NUP98: variants seen among roughly 807,000 people sequenced by gnomAD.
NUP98 encodes nuclear pore complex protein Nup98-Nup96.
A neutral mutation model predicts 191.9 loss-of-function variants in NUP98; 26 were observed. The ratio of observed to expected loss-of-function variants is 0.14; its 90% CI spans 0.10 to 0.19. The LOEUF (loss-of-function observed/expected upper bound fraction) is 0.19. Among genes scored for constraint, NUP98 ranks in the 10% least tolerant of loss-of-function variants. NUP98 has a pLI of 1.00. For missense variants in NUP98, 1,941 were observed against 2,178.8 expected (o/e 0.89, Z 2.17); for synonymous variants, 808 against 778.4 (o/e 1.04, Z -0.63).
intron 13 of NUP98, among the ~76,000 whole-genome samples, chr11:3,734,609 T>G (rs2079975491): frequency 6.6e-6 from 1 of 152,232 alleles, no homozygotes; most frequent in Non-Finnish European, 1.5e-5. Flanking sequence ...AGACTACACT[T>G]TTAACACCAT....
At chr11:3,710,353 T>A (rs1467283119) in intron 20 of NUP98, among the ~76,000 whole-genome samples, 1 of 152,224 alleles carries the variant, frequency 6.6e-6, no homozygotes, top group Admixed American at 6.5e-5. Flanking sequence ...GAAGATCACA[T>A]GAAAATTTAG....
rs1276826632 is a variant in NUP98 at position 3,722,029 on chromosome 11, T to C, written c.2146+1128A>G. ...GAAAAAACTAGAATATAAAACTTCC[T>C]ATTAAAAAGATATATAGTAGCATAA... On this transcript the variant is annotated intron_variant, in intron 16 of 32. Transcript: ENST00000324932. Among the ~76,000 whole-genome samples the C allele has an allele frequency of 3.3e-5, 5 of 150,518 alleles. No homozygotes were observed. In the East Asian group the frequency reaches 9.7e-4, roughly 29 times the overall value.
At chr11:3,691,267 A>T in intron 28 of NUP98, 80 bp downstream of exon 28, 1 of 1,512,704 alleles carries the variant, frequency 6.6e-7, no homozygotes, top group Non-Finnish European at 9.1e-7. Flanking sequence ...GGGGACATAT[A>T]AAAGGGAAAG....
At chr11:3,735,835 G>C (rs770911250) in intron 12 of NUP98, among the ~76,000 whole-genome samples, 18 of 134,632 alleles carry the variant, frequency 1.3e-4, no homozygotes, top group Non-Finnish European at 2.4e-4. Flanking sequence ...GGCAAATACT[G>C]TGTGTGTGTG....
chr11:3,703,318 G>A (rs1002001909), intron 22 of NUP98, among the ~76,000 whole-genome samples: 1 of 151,200 alleles, frequency 6.6e-6, no homozygotes, highest in Non-Finnish European at 1.5e-5. Context: ...CTGGGTTCAA[G>A]CAATTCTCTG....
intron 2 of NUP98, among the ~76,000 whole-genome samples, chr11:3,780,759 G>C (rs1394128991): frequency 4.0e-5 from 6 of 151,492 alleles, no homozygotes; most frequent in African/African-American, 9.7e-5. Flanking sequence ...AACACGGCAA[G>C]ATCTCACCTC....
intron 26 of NUP98, among the ~76,000 whole-genome samples, chr11:3,695,128 ACTC>A (rs1175847041): frequency 6.6e-6 from 1 of 152,100 alleles, no homozygotes; most frequent in Non-Finnish European, 1.5e-5. Flanking sequence ...ACCCCACTGT[ACTC>A]CTGCCTAGGC....
intron 20 of NUP98, among the ~76,000 whole-genome samples, chr11:3,711,295 C>T (rs888587143): frequency 2.0e-5 from 3 of 152,064 alleles, no homozygotes; most frequent in Non-Finnish European, 4.4e-5. Flanking sequence ...TTTGCTAGAA[C>T]CTTGATCTGA....
chr11:3,785,300 A>G (rs959233723), intron 1 of NUP98, among the ~76,000 whole-genome samples: 3 of 152,178 alleles, frequency 2.0e-5, no homozygotes, highest in Non-Finnish European at 4.4e-5. Context: ...GAAGCTTAGT[A>G]GCAATTCCCT....
chr11:3,786,247 G>A (rs1256512950), intron 1 of NUP98, among the ~76,000 whole-genome samples: 1 of 152,144 alleles, frequency 6.6e-6, no homozygotes, highest in African/African-American at 2.4e-5. Flanking sequence ...ACTATAAATG[G>A]GGAACCTACA....
chr11:3,779,203 G>C lies in NUP98; in HGVS notation c.131C>G (p.Ser44Cys), dbSNP rs780626823. The C allele has an allele frequency of 6.2e-7, 1 of 1,614,170 alleles. No homozygotes were observed. The highest frequency in any genetic ancestry group is 1.1e-5 in the South Asian group (1 of 91,084). Residue 44 changes from serine to cysteine, a missense_variant, in exon 3 of 33, where the codon TCT (serine) becomes TGT (cysteine). Physicochemically the swap from Ser to Cys is moderately radical, Grantham distance 112 (BLOSUM62 -1). Around this residue, in one of 6 missense-constraint regions of NUP98, gnomAD observed 154 missense variants for 182.9 expected, o/e 0.84. Coordinates refer to ENST00000324932, the MANE Select transcript of NUP98 (RefSeq NM_016320.5). ...AAAGAGGCCTCCAGTATTGTTGCTA[G>C]AACCAAATGCAGATGTTCCAAATGC... is the stretch of plus-strand genomic sequence containing the variant. ...GGAFGTSAFG[S>C]SNNTGGLFGN...
intron 20 of NUP98, chr11:3,712,363 G>T (rs2079045413): frequency 2.2e-6 from 3 of 1,381,526 alleles, no homozygotes; most frequent in African/African-American, 1.5e-5. Flanking sequence ...AACAGCAAGA[G>T]AATTCTTTAA....
chr11:3,737,737 T>C (rs1048477991), intron 12 of NUP98, among the ~76,000 whole-genome samples: 3 of 152,204 alleles, frequency 2.0e-5, no homozygotes, highest in African/African-American at 7.2e-5. Flanking sequence ...TAAAACACCG[T>C]ACATTCATGT....
chr11:3,676,111 C>G lies in NUP98; in HGVS notation c.*48G>C, dbSNP rs369713220. The G allele has an allele frequency of 2.2e-5, 34 of 1,566,894 alleles. No individual in the cohort carries two copies. Among genetic ancestry groups the G allele is most frequent in the South Asian group, 9.1e-5 (8 of 88,338 alleles). On this transcript the variant is annotated 3_prime_UTR_variant, in exon 33 of 33. Transcript: ENST00000324932. ...CCAATCCAAACAAGGCAGGGAACCT[C>G]TGTGTGGTGTGAATGGGCATGTGAC... is the stretch of plus-strand genomic sequence containing the variant.
chr11:3,772,297 C>CA (rs1212961798), intron 6 of NUP98, among the ~76,000 whole-genome samples: 1 of 152,068 alleles, frequency 6.6e-6, no homozygotes, highest in Non-Finnish European at 1.5e-5. Flanking sequence ...TTCTGTGGGG[C>CA]AAAAAATTTA....
At chr11:3,781,975 A>ATC in intron 2 of NUP98, 67 bp downstream of exon 2, 1 of 1,012,154 alleles carries the variant, frequency 9.9e-7, no homozygotes, top group Non-Finnish European at 1.5e-6. Flanking sequence ...AAAGCTTATC[A>ATC]GAGTGGATTT....
chr11:3,723,105 G>A (rs2079464840), intron 16 of NUP98, 52 bp downstream of exon 16: 1 of 1,541,940 alleles, frequency 6.5e-7, no homozygotes. Context: ...CAACAAGCAA[G>A]TCATCTCGAA....
intron 12 of NUP98, 113 bp from the exon 13 acceptor site, chr11:3,735,437 G>C: frequency 2.0e-6 from 1 of 490,866 alleles, no homozygotes; most frequent in South Asian, 8.2e-5. Flanking sequence ...TCTTCAAAAT[G>C]CTCAGATCAA....
chr11:3,682,567 G>A (rs747316063), intron 30 of NUP98, among the ~76,000 whole-genome samples: 2 of 152,194 alleles, frequency 1.3e-5, no homozygotes, highest in Admixed American at 6.5e-5. Flanking sequence ...GCCAGAATAT[G>A]CACATTTATC....
Sources: allele counts gnomAD v4.1 joint callset (sites outside exome capture counted in the v4.1 genomes callset), GRCh38; gene constraint gnomAD v4.1.1; regional missense constraint gnomAD v4.1.1; transcripts MANE v1.5; gene names NCBI Gene and HGNC (gene_info 2026-07-23, HGNC 2026-07-21).